The following ZNF236 variants were observed in gnomAD, a reference collection of about 807,000 sequenced individuals.
The protein encoded by ZNF236 is regulated by glucose.
A neutral mutation model predicts 191.2 loss-of-function variants in ZNF236; 50 were observed. The observed-to-expected ratio is 0.26, with a 90% CI of 0.21 to 0.33. The LOEUF (loss-of-function observed/expected upper bound fraction) is 0.33, where lower values mean the gene tolerates loss of function less well. ZNF236 is among the 10% of genes least tolerant of loss of function. The pLI is 1.00. For synonymous variants in ZNF236, 907 were observed against 928.8 expected (o/e 0.98, Z 0.43); for missense variants, 1,754 against 2,374.5 (o/e 0.74, Z 5.43).
intron 26 of ZNF236, among the ~76,000 whole-genome samples, chr18:76,945,794 A>T (rs908201496): frequency 2.0e-5 from 3 of 152,252 alleles, no homozygotes; most frequent in African/African-American, 7.2e-5. Context: ...CAAAAAAAGA[A>T]AAAGAACTTT....
intron 28 of ZNF236, among the ~76,000 whole-genome samples, chr18:76,958,908 C>T (rs186785638): frequency 7.2e-4 from 110 of 152,350 alleles, no homozygotes; most frequent in African/African-American, 2.0e-3. Context: ...GAAACGTGTA[C>T]TTTTCCCTGA....
rs758662518 is a variant in ZNF236, at chr18:76,919,972, G to T, written c.3471G>T (p.Lys1157Asn). 15 of 1,614,026 alleles carry T rather than the reference G, an allele frequency of 9.3e-6. No individual in the cohort carries two copies. Among genetic ancestry groups the T allele is most frequent in the Non-Finnish European group, 1.1e-5 (13 of 1,180,030 alleles). Residue 1157 changes from lysine (K) to asparagine (N), a missense_variant, in exon 20 of 31, where the codon AAG (lysine) becomes AAT (asparagine). Physicochemically the swap from Lys to Asn is moderately conservative, Grantham distance 94. Transcript: ENST00000320610. This position sits in a 1 kb window ranked among gnomAD's most constrained non-coding sequence, Gnocchi z 5.3. The stretch of plus-strand genomic sequence containing the variant: ...ACCGCATCAGTGAGCTGAGGGACAA[G>T]CAGGCGGAGCTGCAGGACGAGCCCA... ...EKDRISELRD[K>N]QAELQDEPKH...
intron 1 of ZNF236, chr18:76,824,384 A>G (rs768297088): frequency 1.3e-6 from 1 of 781,042 alleles, no homozygotes; most frequent in Admixed American, 1.7e-5. Context: ...TGCTGGAGAG[A>G]TGTTGGCTGC....
At chr18:76,963,413 T>G (rs1968707157) in intron 30 of ZNF236, among the ~76,000 whole-genome samples, 1 of 152,172 alleles carries the variant, frequency 6.6e-6, no homozygotes, top group Non-Finnish European at 1.5e-5. Context: ...CCTGCATCCC[T>G]GGTATGAAAC....
chr18:76,839,485 TAAC>T (rs573829769), intron 1 of ZNF236, among the ~76,000 whole-genome samples: 112 of 152,376 alleles, frequency 7.4e-4, no homozygotes, highest in African/African-American at 2.6e-3. Flanking sequence ...ACTTGGATCT[TAAC>T]AACCCTGTGA....
chr18:76,892,756 G>C (rs1449394339), intron 9 of ZNF236, among the ~76,000 whole-genome samples: 1 of 152,092 alleles, frequency 6.6e-6, no homozygotes, highest in Admixed American at 6.5e-5. Context: ...TAGTAGAGAC[G>C]GGGTTTCTCC....
intron 3 of ZNF236, 42 bp downstream of exon 3, chr18:76,851,981 TA>T (rs758479313): frequency 3.9e-6 from 6 of 1,548,602 alleles, no homozygotes; most frequent in Non-Finnish European, 5.3e-6. Context: ...AACTGATTGT[TA>T]AAATACATCT....
intron 1 of ZNF236, among the ~76,000 whole-genome samples, chr18:76,843,872 A>T (rs1170687705): frequency 7.1e-6 from 1 of 140,104 alleles, no homozygotes; most frequent in Non-Finnish European, 1.5e-5. Context: ...GGTAGAAGGG[A>T]GTTTTAAATA....
intron 1 of ZNF236, among the ~76,000 whole-genome samples, chr18:76,841,777 T>C (rs1975514304): frequency 6.8e-6 from 1 of 147,462 alleles, no homozygotes. Context: ...CACTGCAACC[T>C]CTACCTCCCA....
intron 5 of ZNF236, among the ~76,000 whole-genome samples, chr18:76,874,191 T>A (rs969716782): frequency 6.6e-6 from 1 of 152,226 alleles, no homozygotes; most frequent in Admixed American, 6.5e-5. Flanking sequence ...TTCACACCCT[T>A]GCCCCCTCCG....
intron 27 of ZNF236, among the ~76,000 whole-genome samples, chr18:76,949,484 T>C (rs1193054472): frequency 6.6e-6 from 1 of 152,154 alleles, no homozygotes; most frequent in African/African-American, 2.4e-5. Flanking sequence ...ATAACCAATC[T>C]GTATGAGTGA....
At chr18:76,906,391 G>T (rs567313635) in intron 13 of ZNF236, among the ~76,000 whole-genome samples, 1 of 152,246 alleles carries the variant, frequency 6.6e-6, no homozygotes, top group Admixed American at 6.5e-5. Context: ...AGGGAATCCT[G>T]TGCAGGGCAC....
chr18:76,917,795 C>T (rs1322597541), intron 19 of ZNF236, among the ~76,000 whole-genome samples: 1 of 152,192 alleles, frequency 6.6e-6, no homozygotes, highest in Non-Finnish European at 1.5e-5. Context: ...GGGCCGCTAT[C>T]TATAAGCTGC....
intron 26 of ZNF236, 25 bp from the exon 27 acceptor site, chr18:76,947,496 T>C: frequency 6.2e-7 from 1 of 1,600,162 alleles, no homozygotes; most frequent in Non-Finnish European, 8.5e-7. Context: ...TTACAACTTC[T>C]GAAATAGTAC....
At chr18:76,830,204 G>T (rs568092566) in intron 1 of ZNF236, among the ~76,000 whole-genome samples, 37 of 152,126 alleles carry the variant, frequency 2.4e-4, no homozygotes, top group Non-Finnish European at 4.6e-4. Context: ...TGAATTTATA[G>T]TATGAACCCG....
intron 1 of ZNF236, among the ~76,000 whole-genome samples, chr18:76,835,955 T>C (rs750360140): frequency 6.6e-5 from 10 of 152,320 alleles, no homozygotes; most frequent in African/African-American, 1.9e-4. Context: ...TTGCCTAGAC[T>C]GGAGTGCATT....
chr18:76,877,878 A>C (rs184416251), intron 6 of ZNF236, 131 bp from the exon 7 acceptor site: 2 of 633,104 alleles, frequency 3.2e-6, no homozygotes, highest in East Asian at 5.8e-5. Context: ...AAAAGAAAAA[A>C]GGTAATGTTG....
At chr18:76,957,463 C>T (rs1968550749) in intron 28 of ZNF236, among the ~76,000 whole-genome samples, 1 of 152,206 alleles carries the variant, frequency 6.6e-6, no homozygotes, top group South Asian at 2.1e-4. Flanking sequence ...TCAGTCCTCC[C>T]TCTCTGTCCT....
chr18:76,838,429 G>C (rs553576435), intron 1 of ZNF236, among the ~76,000 whole-genome samples: 1 of 152,316 alleles, frequency 6.6e-6, no homozygotes, highest in South Asian at 2.1e-4. Context: ...GTGACCTGTG[G>C]AAAGTCGTGG....
Sources: allele counts gnomAD v4.1 joint callset (sites outside exome capture counted in the v4.1 genomes callset), GRCh38; gene constraint gnomAD v4.1.1; non-coding constraint Gnocchi (gnomAD v3.1); transcripts MANE v1.5; gene names NCBI Gene and HGNC (gene_info 2026-07-23, HGNC 2026-07-21).